PAX3: variants seen among roughly 807,000 people sequenced by gnomAD.
PAX3 encodes the protein paired box protein Pax-3.
PAX3 carries 14 observed loss-of-function variants against 51.6 expected under a neutral mutation model. The ratio of observed to expected loss-of-function variants is 0.27; its 90% confidence interval spans 0.18 to 0.42. The LOEUF (loss-of-function observed/expected upper bound fraction) is 0.42, where lower values mean the gene tolerates loss of function less well. Ranked by LOEUF, PAX3 falls within the 10% of genes least tolerant of loss-of-function variation. The probability of loss-of-function intolerance (pLI) is 1.00; values close to 1 mark genes in which losing one functional copy is unlikely to be tolerated. For missense variants in PAX3, 540 were observed against 642.8 expected (o/e 0.84, Z 1.73); for synonymous variants, 280 against 253.4 (o/e 1.11, Z -1.00).
chr2:222,249,216 C>A (rs1693334616), intron 4 of PAX3, among the ~76,000 whole-genome samples: 1 of 152,126 alleles, frequency 6.6e-6, no homozygotes, highest in African/African-American at 2.4e-5. Context: ...TTATATTAAG[C>A]CTTTCAGTTT....
chr2:222,250,090 G>A (rs1246325533), intron 4 of PAX3, among the ~76,000 whole-genome samples: 1 of 152,084 alleles, frequency 6.6e-6, no homozygotes, highest in East Asian at 1.9e-4. Flanking sequence ...AATGTCTTGA[G>A]AACCTGGACT....
At chr2:222,209,349 C>T (rs1691631090) in intron 7 of PAX3, among the ~76,000 whole-genome samples, 1 of 152,072 alleles carries the variant, frequency 6.6e-6, no homozygotes, top group Admixed American at 6.6e-5. Context: ...AAGGAAGGTA[C>T]ATCCTTAAGA....
chr2:222,224,433 C>T (rs1289500077), intron 5 of PAX3, among the ~76,000 whole-genome samples: 2 of 152,146 alleles, frequency 1.3e-5, no homozygotes, highest in African/African-American at 4.8e-5. Context: ...CTTACCATTG[C>T]CAGCCTTCTG....
chr2:222,244,434 G>T (rs1374293957), intron 4 of PAX3, among the ~76,000 whole-genome samples: 1 of 152,098 alleles, frequency 6.6e-6, no homozygotes, highest in South Asian at 2.1e-4. Context: ...TCCAAAGACT[G>T]GTTTTTAAGG....
chr2:222,282,353 T>C (rs1257925609), intron 4 of PAX3, among the ~76,000 whole-genome samples: 1 of 151,846 alleles, frequency 6.6e-6, no homozygotes, highest in African/African-American at 2.4e-5. Context: ...TAAGGGAAAA[T>C]AGACTGAAAT....
chr2:222,294,432 GTC>G, intron 3 of PAX3, 131 bp from the exon 4 acceptor site: 1 of 915,364 alleles, frequency 1.1e-6, no homozygotes, highest in South Asian at 1.4e-5. Flanking sequence ...GCTCGCGGGT[GTC>G]TCCTCCTGCA....
At chr2:222,226,935 AG>A (rs1692407735) in intron 5 of PAX3, among the ~76,000 whole-genome samples, 2 of 151,962 alleles carry the variant, frequency 1.3e-5, no homozygotes, top group Admixed American at 1.3e-4. Context: ...CACATACACA[AG>A]CAAAGGAGCA....
intron 5 of PAX3, among the ~76,000 whole-genome samples, chr2:222,225,469 C>A (rs1415838308): frequency 6.6e-6 from 1 of 151,950 alleles, no homozygotes; most frequent in Non-Finnish European, 1.5e-5. Context: ...GTAAGCAAAC[C>A]AGTTTGTTCA....
At chr2:222,241,155 G>A (rs1693000326) in intron 4 of PAX3, among the ~76,000 whole-genome samples, 1 of 152,152 alleles carries the variant, frequency 6.6e-6, no homozygotes, top group East Asian at 1.9e-4. Flanking sequence ...TGGATTGCAA[G>A]GGGCGCAGAA....
chr2:222,236,784 C>T (rs1391946119), intron 4 of PAX3, among the ~76,000 whole-genome samples: 2 of 152,116 alleles, frequency 1.3e-5, no homozygotes, highest in African/African-American at 4.8e-5. Context: ...CTAAATTACA[C>T]TTAAGTTGCT....
In PAX3 at chr2:222,294,165, A is replaced by T. The variant is rs2106196576; in HGVS notation, c.586+2T>A. On this transcript the variant is annotated splice_donor_variant, in intron 4 of 8. Coordinates refer to ENST00000392070, the MANE Select transcript of PAX3 (RefSeq NM_181458.4). LOFTEE classifies it high-confidence loss of function. ...TGCGCCGCCCAAGGCGCCACCGCTTACCTCGCTCGCTCAGGATGCCGTCGA... is the reference window on the plus strand; with the variant it reads ...TGCGCCGCCCAAGGCGCCACCGCTTTCCTCGCTCGCTCAGGATGCCGTCGA... The T allele has an allele frequency of 6.2e-7, 1 of 1,614,190 alleles. No individual in the cohort carries two copies. Among genetic ancestry groups the T allele is most frequent in the Non-Finnish European group, 8.5e-7 (1 of 1,180,026 alleles).
chr2:222,292,432 G>A (rs891137763), intron 4 of PAX3, among the ~76,000 whole-genome samples: 3 of 151,796 alleles, frequency 2.0e-5, no homozygotes, highest in Non-Finnish European at 4.4e-5. Context: ...GTGTAGAGAA[G>A]GACTTCTTTG....
intron 4 of PAX3, among the ~76,000 whole-genome samples, chr2:222,279,444 C>T (rs951041538): frequency 6.6e-6 from 1 of 152,134 alleles, no homozygotes; most frequent in Non-Finnish European, 1.5e-5. Context: ...CTAAGGTCAG[C>T]CCACAGGGCC....
At chr2:222,231,716 TTAA>T (rs1177777785) in intron 5 of PAX3, among the ~76,000 whole-genome samples, 4 of 152,214 alleles carry the variant, frequency 2.6e-5, no homozygotes, top group Non-Finnish European at 4.4e-5. Context: ...ACCTAGGATT[TTAA>T]TAATGATTCA....
At chr2:222,278,352 G>A (rs1190474186) in intron 4 of PAX3, among the ~76,000 whole-genome samples, 1 of 152,160 alleles carries the variant, frequency 6.6e-6, no homozygotes, top group African/African-American at 2.4e-5. Context: ...TCCTCTAGAG[G>A]AGGGGAGTCT....
chr2:222,278,879 G>T (rs578136496), intron 4 of PAX3, among the ~76,000 whole-genome samples: 2 of 152,322 alleles, frequency 1.3e-5, no homozygotes, highest in Admixed American at 1.3e-4. Context: ...CTTTAGAAAA[G>T]AGCAAATACT....
intron 4 of PAX3, chr2:222,264,881 A>G (rs1336033349): frequency 1.3e-5 from 2 of 152,174 alleles, no homozygotes; most frequent in Admixed American, 6.5e-5. Context: ...TGACCATTCC[A>G]TACCTTTGCC....
rs564897982 is a variant in PAX3 at position 222,283,509 on chromosome 2, AT to A, written c.586+10657del. ...TACCCAGTCAAAAATAAATACGATA[AT>A]TTTTTTTTAATCTGACAAAGTATAT... On this transcript the variant is annotated intron_variant, in intron 4 of 8. Coordinates refer to ENST00000392070, the MANE Select transcript of PAX3 (RefSeq NM_181458.4). Among the ~76,000 whole-genome samples, 204 of 151,980 alleles carry A rather than the reference AT, an allele frequency of 1.3e-3. 1 individual carries two copies. Among genetic ancestry groups the A allele is most frequent in the Non-Finnish European group, 1.8e-4 (12 of 67,930 alleles).
intron 7 of PAX3, among the ~76,000 whole-genome samples, chr2:222,219,016 G>A (rs1044995902): frequency 1.3e-5 from 2 of 152,086 alleles, no homozygotes; most frequent in African/African-American, 2.4e-5. Flanking sequence ...CCACTCCCAA[G>A]ACACACACCA....
Sources: gnomAD v4.1 joint callset for allele counts (sites outside exome capture counted in the v4.1 genomes callset) on GRCh38, gnomAD v4.1.1 for gene constraint, MANE v1.5 for transcripts, NCBI Gene and HGNC (gene_info 2026-07-23, HGNC 2026-07-21) for gene names.